The following RXRA variants were observed in gnomAD, a reference collection of about 807,000 sequenced individuals.
RXRA encodes retinoic acid receptor RXR-alpha.
Under a neutral mutation model 44.5 loss-of-function variants are expected in RXRA, and 5 were observed. That is an observed-to-expected ratio of 0.11 (90% CI 0.06 to 0.24). The LOEUF is 0.24. Among genes scored for constraint, RXRA ranks in the 10% least tolerant of loss-of-function variants. The pLI, the probability that RXRA is intolerant of heterozygous loss-of-function variation, is 1.00. For missense variants in RXRA, 412 were observed against 646.5 expected (o/e 0.64, Z 3.93); for synonymous variants, 291 against 271.4 (o/e 1.07, Z -0.71).
chr9:134,397,401 T>C (rs1830896086), intron 1 of RXRA, among the ~76,000 whole-genome samples: 1 of 152,186 alleles, frequency 6.6e-6, no homozygotes, highest in Non-Finnish European at 1.5e-5. Context: ...GTGCCTGCCC[T>C]GGGTGCTGGC....
At chr9:134,339,546 TGTGA>T (rs1830057434) in intron 1 of RXRA, among the ~76,000 whole-genome samples, 1 of 150,728 alleles carries the variant, frequency 6.6e-6, no homozygotes, top group Non-Finnish European at 1.5e-5. Context: ...CCCGTGTGTG[TGTGA>T]GTCTCTGCAT....
Position 134,365,171 on chromosome 9 carries a change from C to T in RXRA, c.29-36461C>T, listed in dbSNP as rs1034152712. ...GGCTGTTGCTGGAGGGCTGATGGCACGCTGGGCCCGGGAAAGCCCCTCGTG... is the reference window on the plus strand; with the variant it reads ...GGCTGTTGCTGGAGGGCTGATGGCATGCTGGGCCCGGGAAAGCCCCTCGTG... On this transcript the variant is annotated intron_variant, in intron 1 of 9. Coordinates refer to ENST00000481739, the MANE Select transcript of RXRA (RefSeq NM_002957.6). The surrounding 1 kb of genome is among the most constrained non-coding windows in gnomAD (Gnocchi z 4.0). Among the ~76,000 whole-genome samples the T allele has an allele frequency of 8.5e-5, 13 of 152,334 alleles. No homozygotes were observed. Among genetic ancestry groups the T allele is most frequent in the African/African-American group, 2.4e-4 (10 of 41,580 alleles).
At chr9:134,350,578 G>A (rs1328641202) in intron 1 of RXRA, among the ~76,000 whole-genome samples, 1 of 152,218 alleles carries the variant, frequency 6.6e-6, no homozygotes, top group Non-Finnish European at 1.5e-5. Context: ...GACTGTGTGG[G>A]CCTCTGTGCT....
chr9:134,382,933 C>T (rs769856613), intron 1 of RXRA, among the ~76,000 whole-genome samples: 39 of 152,308 alleles, frequency 2.6e-4, no homozygotes, highest in Admixed American at 1.2e-3. Flanking sequence ...GGCGTAGCTT[C>T]GGGCTGTCTG....
intron 1 of RXRA, among the ~76,000 whole-genome samples, chr9:134,393,068 T>C (rs1360973539): frequency 6.0e-5 from 9 of 150,594 alleles, no homozygotes; most frequent in Non-Finnish European, 5.9e-5. Context: ...CCGGGAATCA[T>C]GGGGAAGCGG....
At chr9:134,360,556 C>T (rs568254166) in intron 1 of RXRA, among the ~76,000 whole-genome samples, 6 of 152,252 alleles carry the variant, frequency 3.9e-5, no homozygotes, top group Non-Finnish European at 8.8e-5. Context: ...CCCCTTCCGG[C>T]GCACTTGTGT....
rs1040058219 is a variant in RXRA, at chr9:134,407,216, C to G, written c.280-933C>G. ...TTTCTGCTTTGCTTGCATTGAGCCT[C>G]AAACTCTTCCTGTCCCGTGAGAAGG... On this transcript the variant is annotated intron_variant, in intron 2 of 9. Transcript: ENST00000481739. This position sits in a 1 kb window ranked among gnomAD's most constrained non-coding sequence, Gnocchi z 4.8. Among the ~76,000 whole-genome samples, 8 of 152,272 alleles carry G rather than the reference C, an allele frequency of 5.3e-5. No individual in the cohort carries two copies. Among genetic ancestry groups the G allele is most frequent in the African/African-American group, 1.9e-4 (8 of 41,472 alleles).
At chr9:134,382,331 C>G (rs752017393) in intron 1 of RXRA, among the ~76,000 whole-genome samples, 3 of 152,034 alleles carry the variant, frequency 2.0e-5, no homozygotes, top group Admixed American at 6.6e-5. Flanking sequence ...GGCTGGGACC[C>G]AAGCTCAGGC....
chr9:134,430,051 A>G (rs564049266), intron 7 of RXRA, among the ~76,000 whole-genome samples: 3 of 151,698 alleles, frequency 2.0e-5, no homozygotes, highest in African/African-American at 4.8e-5. Context: ...ACGCCCGGCT[A>G]TTTTTTTTGT....
chr9:134,429,335 CTAGTA>C (rs1260670343), intron 7 of RXRA, 95 bp downstream of exon 7: 1 of 1,316,456 alleles, frequency 7.6e-7, no homozygotes, highest in East Asian at 2.4e-5. Context: ...CACATCCTGC[CTAGTA>C]TTATTTCAGT....
Position 134,417,647 on chromosome 9 carries a change from C to T in RXRA, c.780+320C>T, listed in dbSNP as rs12340073. On this transcript the variant is annotated intron_variant, in intron 5 of 9. Coordinates refer to ENST00000481739, the MANE Select transcript of RXRA (RefSeq NM_002957.6). This position sits in a 1 kb window ranked among gnomAD's most constrained non-coding sequence, Gnocchi z 6.1. ...TGGGGCCTCAGCCGCCGTGTCCCCT[C>T]GGAGTTTGGCCTGTCTCGGTGCAGA... 5.2e-4 allele frequency among the ~76,000 whole-genome samples: 79 copies of T among 152,184 alleles called. 1 individual carries two copies. The highest frequency in any genetic ancestry group is 1.8e-3 in the African/African-American group (73 of 41,532).
chr9:134,399,656 C>G (rs764176917), intron 1 of RXRA, among the ~76,000 whole-genome samples: 1 of 152,192 alleles, frequency 6.6e-6, no homozygotes, highest in Non-Finnish European at 1.5e-5. Context: ...GTAGGTGCCA[C>G]CAACATCTGG....
chr9:134,408,936 G>T lies in RXRA; in HGVS notation c.431-4G>T, dbSNP rs528453723. On this transcript the variant is annotated splice_region_variant and splice_polypyrimidine_tract_variant and intron_variant, in intron 3 of 9. Transcript: ENST00000481739. Reference sequence around the variant, plus strand: ...CCCCAGCCCTGCTCTGCCCTGTCCCGCAGGCAAGCACTATGGAGTGTACAG... The same window carrying T: ...CCCCAGCCCTGCTCTGCCCTGTCCCTCAGGCAAGCACTATGGAGTGTACAG... The T allele has an allele frequency of 1.3e-6, 2 of 1,535,430 alleles. No individual in the cohort carries two copies. Among genetic ancestry groups the T allele is most frequent in the Non-Finnish European group, 1.8e-6 (2 of 1,137,370 alleles).
intron 1 of RXRA, 56 bp from the exon 2 acceptor site, chr9:134,401,576 G>T: frequency 6.2e-7 from 1 of 1,604,786 alleles, no homozygotes. Flanking sequence ...GCAGGCATTT[G>T]GTGGGGCCTG....
At chr9:134,386,875 C>T (rs1289847865) in intron 1 of RXRA, among the ~76,000 whole-genome samples, 1 of 152,172 alleles carries the variant, frequency 6.6e-6, no homozygotes, top group Non-Finnish European at 1.5e-5. Flanking sequence ...TATGGAGGAC[C>T]CCTTGGGGTC....
At chr9:134,379,698 A>G (rs933738337) in intron 1 of RXRA, 14 of 985,218 alleles carry the variant, frequency 1.4e-5, no homozygotes, top group Non-Finnish European at 1.6e-5. Context: ...TATGCGGATG[A>G]GAAAACCTGA....
At chr9:134,347,911 A>T (rs1382435321) in intron 1 of RXRA, among the ~76,000 whole-genome samples, 1 of 151,886 alleles carries the variant, frequency 6.6e-6, no homozygotes, top group African/African-American at 2.4e-5. Context: ...GTGAGTGCTG[A>T]GTGAGGGTCC....
rs542441304 is a variant in RXRA, at chr9:134,342,128, G to A, written c.28+15469G>A. Among the ~76,000 whole-genome samples, 1 of 152,172 alleles carries A rather than the reference G, an allele frequency of 6.6e-6. No homozygotes were observed. The highest frequency in any genetic ancestry group is 1.5e-5 in the Non-Finnish European group (1 of 68,014). ...GAAGGCGCTCTGCTGGGCCCGGGGTGGGGGCTCTCGTGCTGGCATTTGGTG... is the reference window on the plus strand; with the variant it reads ...GAAGGCGCTCTGCTGGGCCCGGGGTAGGGGCTCTCGTGCTGGCATTTGGTG... On this transcript the variant is annotated intron_variant, in intron 1 of 9. Coordinates refer to ENST00000481739, the MANE Select transcript of RXRA (RefSeq NM_002957.6). This position sits in a 1 kb window ranked among gnomAD's most constrained non-coding sequence, Gnocchi z 4.4.
chr9:134,433,335 G>T lies in RXRA; in HGVS notation c.1136-767G>T, dbSNP rs1831562851. ...ACCTGGGCACCGGCTTGCAGGGAGG[G>T]TGAGATTGTCTGGCACAAGCAGGGT... On this transcript the variant is annotated intron_variant, in intron 8 of 9. Transcript: ENST00000481739. This position sits in a 1 kb window ranked among gnomAD's most constrained non-coding sequence, Gnocchi z 4.2. Among the ~76,000 whole-genome samples the T allele has an allele frequency of 6.6e-6, 1 of 152,154 alleles. No homozygotes were observed. The highest frequency in any genetic ancestry group is 1.5e-5 in the Non-Finnish European group (1 of 68,016).
Sources: gnomAD v4.1 joint callset for allele counts (sites outside exome capture counted in the v4.1 genomes callset) on GRCh38, gnomAD v4.1.1 for gene constraint, Gnocchi (gnomAD v3.1) non-coding constraint, MANE v1.5 for transcripts, NCBI Gene and HGNC (gene_info 2026-07-23, HGNC 2026-07-21) for gene names.